Variants in NRG1 observed in about 807,000 individuals in gnomAD.
NRG1 encodes pro-neuregulin-1, membrane-bound isoform.
A neutral mutation model predicts 63.8 loss-of-function variants in NRG1; 18 were observed. That is an observed-to-expected ratio of 0.28 (90% CI 0.19 to 0.42). The LOEUF (loss-of-function observed/expected upper bound fraction) is 0.42. Ranked by LOEUF, NRG1 falls within the 10% of genes least tolerant of loss-of-function variation. The probability of loss-of-function intolerance (pLI) is 1.00; values close to 1 mark genes in which losing one functional copy is unlikely to be tolerated. For synonymous variants in NRG1, 302 were observed against 301.3 expected, an observed-to-expected ratio of 1.00 and a Z score of -0.02; for missense variants, 762 against 814.7, an observed-to-expected ratio of 0.94 and a Z score of 0.79.
intron 1 of NRG1, among the ~76,000 whole-genome samples, chr8:32,263,209 A>G (rs1468783598): frequency 1.3e-5 from 2 of 152,208 alleles, no homozygotes; most frequent in East Asian, 1.9e-4. Flanking sequence ...TAACATCCCT[A>G]TGCTATCCCC....
In NRG1 at chr8:32,636,589, T is replaced by C. The variant is rs565216324; in HGVS notation, c.502+19704T>C. On this transcript the variant is annotated intron_variant, in intron 5 of 11. Coordinates refer to ENST00000356819, the Ensembl canonical transcript of NRG1. ...TAAGCTTAGCATCTAACCTTTCAGA[T>C]TTTTTCAGTAATGTGAACTTTACAT... Among the ~76,000 whole-genome samples, 19 of 152,234 alleles carry C rather than the reference T, an allele frequency of 1.2e-4. No homozygotes were observed. In the South Asian group the frequency reaches 1.7e-3, roughly 13 times the overall value.
intron 1 of NRG1, among the ~76,000 whole-genome samples, chr8:31,809,518 G>A (rs17603821): frequency 0.16 from 23,324 of 149,712 alleles, 2,098 homozygotes; most frequent in Non-Finnish European, 0.19. Context: ...CTATAATCTG[G>A]ACCAAACCCA....
At chr8:32,188,701 C>T (rs1005601450) in intron 1 of NRG1, among the ~76,000 whole-genome samples, 5 of 151,810 alleles carry the variant, frequency 3.3e-5, no homozygotes, top group Non-Finnish European at 5.9e-5. Context: ...AGGAGGAGGC[C>T]GTGTGCTTCC....
At chr8:31,884,069 C>T (rs752865162) in intron 1 of NRG1, among the ~76,000 whole-genome samples, 3 of 152,180 alleles carry the variant, frequency 2.0e-5, no homozygotes, top group Middle Eastern at 3.4e-3. Context: ...CATGAACGGG[C>T]TCCTATTCCT....
intron 1 of NRG1, chr8:32,099,532 G>A (rs748962301): frequency 6.6e-6 from 1 of 152,180 alleles, no homozygotes; most frequent in Non-Finnish European, 1.5e-5. Flanking sequence ...ATCGAAGATG[G>A]AGATGAATGA....
intron 1 of NRG1, among the ~76,000 whole-genome samples, chr8:32,220,110 C>CCTA (rs1845656231): frequency 6.6e-6 from 1 of 152,026 alleles, no homozygotes; most frequent in Non-Finnish European, 1.5e-5. Flanking sequence ...ATGCATCAGC[C>CCTA]CTACTGCCAG....
chr8:31,977,657 A>G (rs1381013370), intron 1 of NRG1, among the ~76,000 whole-genome samples: 1 of 152,136 alleles, frequency 6.6e-6, no homozygotes, highest in Middle Eastern at 3.2e-3. Context: ...AATTTATAAA[A>G]GAATAGTAAA....
At chr8:32,531,177 A>T (rs1013584117) in intron 1 of NRG1, among the ~76,000 whole-genome samples, 3 of 152,070 alleles carry the variant, frequency 2.0e-5, no homozygotes, top group African/African-American at 7.2e-5. Context: ...AAAGAAAGAG[A>T]TGTTATCCAT....
chr8:32,157,904 G>A (rs549397542), intron 1 of NRG1, among the ~76,000 whole-genome samples: 12 of 152,060 alleles, frequency 7.9e-5, no homozygotes, highest in Non-Finnish European at 1.5e-4. Flanking sequence ...GAAACGGCAC[G>A]GCTTCTTTCT....
intron 1 of NRG1, among the ~76,000 whole-genome samples, chr8:32,344,419 A>ATGTG (rs397956518): frequency 0.096 from 5,476 of 57,220 alleles, 659 homozygotes; most frequent in African/African-American, 0.24. Context: ...GCGTGCATGC[A>ATGTG]TGTGTGTGTG....
chr8:31,898,108 A>AAACC (rs1285642998), intron 1 of NRG1, among the ~76,000 whole-genome samples: 1 of 151,948 alleles, frequency 6.6e-6, no homozygotes, highest in Non-Finnish European at 1.5e-5. Flanking sequence ...TTTTCAAATC[A>AAACC]AACCAATATA....
At chr8:31,836,427 G>T (rs1022395189) in intron 1 of NRG1, among the ~76,000 whole-genome samples, 3 of 152,018 alleles carry the variant, frequency 2.0e-5, no homozygotes, top group Admixed American at 2.0e-4. Flanking sequence ...ATGTTATTTA[G>T]CCATTGATTC....
intron 1 of NRG1, among the ~76,000 whole-genome samples, chr8:32,314,792 C>T (rs753980351): frequency 1.3e-5 from 2 of 152,272 alleles, no homozygotes; most frequent in East Asian, 1.9e-4. Flanking sequence ...GCCTTGTTTC[C>T]ATGTGCATTT....
chr8:32,701,952 C>G (rs751219961), intron 5 of NRG1, among the ~76,000 whole-genome samples: 2 of 152,170 alleles, frequency 1.3e-5, no homozygotes, highest in Non-Finnish European at 2.9e-5. Flanking sequence ...AAGATTTCAT[C>G]ACAAGATAAA....
chr8:32,178,078 TA>T (rs1386039560), intron 1 of NRG1, among the ~76,000 whole-genome samples: 1 of 151,532 alleles, frequency 6.6e-6, no homozygotes, highest in Non-Finnish European at 1.5e-5. Flanking sequence ...GGAGAAGAAA[TA>T]AAAGGCCCAG....
chr8:32,057,245 G>A (rs189379571), intron 1 of NRG1, among the ~76,000 whole-genome samples: 6 of 152,222 alleles, frequency 3.9e-5, no homozygotes, highest in Admixed American at 2.6e-4. Context: ...TAAATACTAA[G>A]ATAATCTGGA....
In NRG1 at chr8:32,576,958, C is replaced by T. The variant is rs117050598; in HGVS notation, c.101-18870C>T. 7.3e-3 allele frequency among the ~76,000 whole-genome samples: 1,106 copies of T among 152,216 alleles called. 8 individuals are homozygous for T. The highest frequency in any genetic ancestry group is 0.012 in the Non-Finnish European group (833 of 68,010). Reference sequence around the variant, plus strand: ...TAGTACCCAATAGTTGGTTTTTCAACTCCTGTTCCCTCCTTCCCTCCCTGC... The same window carrying T: ...TAGTACCCAATAGTTGGTTTTTCAATTCCTGTTCCCTCCTTCCCTCCCTGC... On this transcript the variant is annotated intron_variant, in intron 1 of 11. Coordinates refer to ENST00000356819, the Ensembl canonical transcript of NRG1.
At chr8:32,320,849 G>A (rs1801301385) in intron 1 of NRG1, among the ~76,000 whole-genome samples, 2 of 152,136 alleles carry the variant, frequency 1.3e-5, no homozygotes, top group African/African-American at 4.8e-5. Context: ...TAAATTTCTT[G>A]AGTAATCTGG....
At chr8:31,766,092 A>G (rs927750097) in intron 1 of NRG1, among the ~76,000 whole-genome samples, 1 of 152,210 alleles carries the variant, frequency 6.6e-6, no homozygotes, top group African/African-American at 2.4e-5. Context: ...CGAAGCCTAC[A>G]CTCCTCATTC....
Sources: allele counts gnomAD v4.1 joint callset (sites outside exome capture counted in the v4.1 genomes callset), GRCh38; gene constraint gnomAD v4.1.1; transcripts MANE v1.5; gene names NCBI Gene and HGNC (gene_info 2026-07-23, HGNC 2026-07-21).